HORMAD2: variants seen among roughly 807,000 people sequenced by gnomAD.
The protein encoded by HORMAD2 is HORMA domain-containing protein 2.
A neutral mutation model predicts 38.8 loss-of-function variants in HORMAD2; 45 were observed. That is an observed-to-expected ratio of 1.16 (90% CI 0.91 to 1.49). The LOEUF (loss-of-function observed/expected upper bound fraction) is 1.49. Ranked by LOEUF, HORMAD2 falls within the 40% of genes most tolerant of loss-of-function variation. The pLI, the probability that HORMAD2 is intolerant of heterozygous loss-of-function variation, is 0.00. For missense variants in HORMAD2, 338 were observed against 367.0 expected (o/e 0.92, Z 0.65); for synonymous variants, 126 against 122.8 (o/e 1.03, Z -0.17).
chr22:30,102,940 C>T (rs1225200840), intron 3 of HORMAD2, among the ~76,000 whole-genome samples: 3 of 152,042 alleles, frequency 2.0e-5, no homozygotes, highest in Admixed American at 2.0e-4. Context: ...TAAACCCAAA[C>T]TCTTAATATG....
In HORMAD2 at chr22:30,122,181, A is replaced by T; in HGVS notation, c.786A>T (p.Leu262=). The change falls in exon 10 of 11, where the codon CTA becomes CTT. Residue 262 remains leucine (L), a synonymous_variant. Transcript: ENST00000336726. ...CTACTGAGATCGCCCATCAGGGTCT[A>T]GACTGTGATGAGGAAGAAGAATGCA... ...NSTTEIAHQG[L]DCDEEEECND... 6.2e-7 allele frequency: 1 copy of T among 1,613,164 alleles called. No individual in the cohort carries two copies. The highest frequency in any genetic ancestry group is 8.5e-7 in the Non-Finnish European group (1 of 1,179,532).
At chr22:30,202,270 G>C in the HORMAD2 span, among the ~76,000 whole-genome samples, 1 of 152,154 alleles carries the variant, frequency 6.6e-6, no homozygotes, top group Non-Finnish European at 1.5e-5. Flanking sequence ...ACAGGGTCCA[G>C]GCAGGCTGGG....
intron 10 of HORMAD2, among the ~76,000 whole-genome samples, chr22:30,167,061 T>C (rs1296890686): frequency 1.3e-5 from 2 of 152,182 alleles, no homozygotes; most frequent in Non-Finnish European, 2.9e-5. Context: ...AATCAAGATG[T>C]CAGCAGAGCC....
intron 5 of HORMAD2, among the ~76,000 whole-genome samples, chr22:30,111,152 CAAA>C (rs548430920): frequency 2.4e-4 from 20 of 83,042 alleles, no homozygotes; most frequent in Admixed American, 4.9e-4. Flanking sequence ...AAGACTCTGT[CAAA>C]AAAAAAAAAA....
intron 10 of HORMAD2, among the ~76,000 whole-genome samples, chr22:30,125,609 T>C (rs1922810049): frequency 6.6e-6 from 1 of 152,194 alleles, no homozygotes; most frequent in Non-Finnish European, 1.5e-5. Flanking sequence ...CTTTAATATG[T>C]GCTTTTGGAT....
intron 10 of HORMAD2, among the ~76,000 whole-genome samples, chr22:30,166,858 A>C (rs1925814180): frequency 1.3e-5 from 2 of 152,222 alleles, no homozygotes; most frequent in African/African-American, 4.8e-5. Flanking sequence ...ATTTAAAAGA[A>C]AGAAAGTAAT....
intron 7 of HORMAD2, among the ~76,000 whole-genome samples, chr22:30,117,367 G>T (rs976215104): frequency 5.0e-4 from 76 of 152,052 alleles, no homozygotes; most frequent in African/African-American, 1.8e-3. Flanking sequence ...CCAGCTCTGT[G>T]GACATACTGT....
chr22:30,206,096 T>C, the HORMAD2 span, among the ~76,000 whole-genome samples: 1 of 152,246 alleles, frequency 6.6e-6, no homozygotes, highest in Non-Finnish European at 1.5e-5. Context: ...ACCACTACAC[T>C]GCACAGGAGC....
chr22:30,118,865 C>T (rs2146123370), intron 7 of HORMAD2, 115 bp from the exon 8 acceptor site: 1 of 684,222 alleles, frequency 1.5e-6, no homozygotes, highest in South Asian at 1.7e-5. Context: ...AAACAAACAG[C>T]TATATAGGAA....
intron 3 of HORMAD2, 68 bp from the exon 4 acceptor site, chr22:30,103,369 T>G: frequency 5.8e-6 from 5 of 855,882 alleles, no homozygotes; most frequent in Non-Finnish European, 9.7e-6. Flanking sequence ...ATACCCTATT[T>G]AGCATGGACA....
intron 7 of HORMAD2, among the ~76,000 whole-genome samples, chr22:30,116,257 A>C (rs9614145): frequency 6.6e-6 from 1 of 152,112 alleles, no homozygotes; most frequent in Non-Finnish European, 1.5e-5. Context: ...AGAGGCAGAC[A>C]GGGGACAGAT....
intron 10 of HORMAD2, among the ~76,000 whole-genome samples, chr22:30,134,660 C>T (rs1923533505): frequency 2.0e-5 from 3 of 150,630 alleles, no homozygotes; most frequent in East Asian, 1.9e-4. Context: ...AGCATAATCT[C>T]GTGTGTGTAC....
chr22:30,123,560 C>T (rs1922609983), intron 10 of HORMAD2, among the ~76,000 whole-genome samples: 1 of 151,976 alleles, frequency 6.6e-6, no homozygotes. Context: ...GTCTTAAACT[C>T]CTGGGCTCAA....
chr22:30,110,537 C>T (rs754820852), intron 5 of HORMAD2, among the ~76,000 whole-genome samples: 7 of 151,934 alleles, frequency 4.6e-5, no homozygotes, highest in Non-Finnish European at 7.4e-5. Flanking sequence ...AGGCACAAGC[C>T]GCCATGCCTG....
At chr22:30,139,585 T>C (rs1248732800) in intron 10 of HORMAD2, among the ~76,000 whole-genome samples, 1 of 152,012 alleles carries the variant, frequency 6.6e-6, no homozygotes, top group Non-Finnish European at 1.5e-5. Context: ...TGGATGCCTT[T>C]TATTTCCTTT....
At chr22:30,188,216 G>C in the HORMAD2 span, among the ~76,000 whole-genome samples, 1 of 152,166 alleles carries the variant, frequency 6.6e-6, no homozygotes, top group Non-Finnish European at 1.5e-5. Context: ...AACAGCCAAA[G>C]AGGTAAACAG....
At chr22:30,130,737 C>T (rs142711979) in intron 10 of HORMAD2, among the ~76,000 whole-genome samples, 24 of 151,752 alleles carry the variant, frequency 1.6e-4, no homozygotes, top group Non-Finnish European at 3.2e-4. Flanking sequence ...ACTACAGGGG[C>T]GTGTCACCAT....
intron 1 of HORMAD2, among the ~76,000 whole-genome samples, chr22:30,092,967 T>C (rs1472995310): frequency 6.6e-6 from 1 of 152,200 alleles, no homozygotes; most frequent in East Asian, 1.9e-4. Context: ...CTTTAGCTGT[T>C]CAGAGTCTTT....
intron 5 of HORMAD2, among the ~76,000 whole-genome samples, chr22:30,109,674 A>G (rs966904042): frequency 6.6e-6 from 1 of 152,114 alleles, no homozygotes. Flanking sequence ...GCTTGATTAT[A>G]TTTCTATCTC....
Sources: allele counts gnomAD v4.1 joint callset (sites outside exome capture counted in the v4.1 genomes callset), GRCh38; gene constraint gnomAD v4.1.1; transcripts MANE v1.5; gene names NCBI Gene and HGNC (gene_info 2026-07-23, HGNC 2026-07-21).